PNPLA5: variants seen among roughly 807,000 people sequenced by gnomAD.
PNPLA5 encodes patatin-like phospholipase domain-containing protein 5.
A neutral mutation model predicts 49.1 loss-of-function variants in PNPLA5; 44 were observed. The ratio of observed to expected loss-of-function variants is 0.90; its 90% CI spans 0.70 to 1.15. The LOEUF (loss-of-function observed/expected upper bound fraction) is 1.15, where lower values mean the gene tolerates loss of function less well. Ranked by LOEUF, PNPLA5 falls within the 50% of genes most tolerant of loss-of-function variation. The pLI is 0.00. For missense variants in PNPLA5, 603 were observed against 564.0 expected (o/e 1.07, Z -0.70); for synonymous variants, 243 against 244.4 (o/e 0.99, Z 0.06).
intron 2 of PNPLA5, chr22:43,890,174 A>G (rs1253849601): frequency 3.3e-5 from 21 of 645,918 alleles, no homozygotes; most frequent in Non-Finnish European, 4.0e-5. Flanking sequence ...AGCAGTTGGG[A>G]TGGGGCCTGG....
chr22:43,880,743 C>A lies in PNPLA5; in HGVS notation c.*52G>T, dbSNP rs573580468. The A allele has an allele frequency of 7.8e-6, 10 of 1,280,604 alleles. No homozygotes were observed. The South Asian group carries it at 2.7e-4, about 34-fold the overall frequency. The allele number at this position is 1,280,604 out of a possible 1,614,324, so 79.3% of individuals were successfully genotyped here. A position where few individuals can be genotyped will look rare whatever the true frequency, so the allele number is the denominator to read the frequency against. On this transcript the variant is annotated 3_prime_UTR_variant, in exon 9 of 9. Transcript: ENST00000216177. ...AGATGTGGGCACACAGGACAAAGGC[C>A]AGAGCAGGAATCAAGGGACACCAGT...
intron 6 of PNPLA5, 114 bp downstream of exon 6, chr22:43,886,189 G>T: frequency 8.2e-7 from 1 of 1,222,614 alleles, no homozygotes; most frequent in Non-Finnish European, 1.1e-6. Context: ...TAGGTGCTCA[G>T]TAAATGAGTC....
intron 1 of PNPLA5, 93 bp from the exon 2 acceptor site, chr22:43,891,387 G>A: frequency 6.9e-7 from 1 of 1,444,142 alleles, no homozygotes; most frequent in Non-Finnish European, 9.0e-7. Context: ...CAGTGGGAGC[G>A]GGGTCCTCCC....
chr22:43,884,421 C>G (rs1314229537), intron 6 of PNPLA5, 76 bp from the exon 7 acceptor site: 1 of 1,439,926 alleles, frequency 6.9e-7, no homozygotes, highest in Non-Finnish European at 9.1e-7. Context: ...CCATTTCACA[C>G]AGTAAGAGAC....
Position 43,881,552 on chromosome 22 carries a change from C to T in PNPLA5, c.1199+6G>A, listed in dbSNP as rs993422434. 1.5e-5 allele frequency: 23 copies of T among 1,580,136 alleles called. No individual in the cohort carries two copies. The highest frequency in any genetic ancestry group is 3.7e-5 in the Admixed American group (2 of 54,666). ...CCTCTCCATCCCTGCCCTCTGCCCACCTCACCTGATGGGCCCAAGGAGCTG... is the reference window on the plus strand; with the variant it reads ...CCTCTCCATCCCTGCCCTCTGCCCATCTCACCTGATGGGCCCAAGGAGCTG... On this transcript the variant is annotated splice_donor_region_variant and intron_variant, in intron 8 of 8. Transcript: ENST00000216177.
chr22:43,891,545 A>G (rs2049723341), intron 1 of PNPLA5, 143 bp downstream of exon 1: 1 of 1,283,042 alleles, frequency 7.8e-7, no homozygotes, highest in Non-Finnish European at 1.0e-6. Context: ...AGTCCCCAGC[A>G]CTCGGTGTTC....
chr22:43,888,470 T>TGTC (rs1229335161), intron 4 of PNPLA5, among the ~76,000 whole-genome samples: 2 of 135,732 alleles, frequency 1.5e-5, no homozygotes, highest in Non-Finnish European at 3.1e-5. Context: ...AGTCTCACTC[T>TGTC]GTCACCCAGG....
At position 43,889,829 on chromosome 22, in the gene PNPLA5, G is replaced by T. The variant is rs775616917; in HGVS notation, c.462C>A (p.Cys154Ter). The T allele has an allele frequency of 1.9e-6, 3 of 1,613,350 alleles. No individual in the cohort carries two copies. The highest frequency in any genetic ancestry group is 1.7e-5 in the Admixed American group (1 of 59,972). Residue 154 changes from cysteine (C) to a stop codon, truncating the protein, a stop_gained, in exon 3 of 9, where the codon TGC becomes TGA. Coordinates refer to ENST00000216177, the MANE Select transcript of PNPLA5 (RefSeq NM_138814.4). LOFTEE classifies it high-confidence loss of function. ...LVCTLYFPFY[C>*]GLIPPEFRGE... Reference sequence around the variant, plus strand: ...CTCTGAACTCGGGGGGGATCAGCCCGCAGTAGAAAGGAAAGTATAAGGTGC... The same window carrying T: ...CTCTGAACTCGGGGGGGATCAGCCCTCAGTAGAAAGGAAAGTATAAGGTGC...
At chr22:43,884,100 TC>T in intron 7 of PNPLA5, 112 bp downstream of exon 7, 13 of 867,240 alleles carry the variant, frequency 1.5e-5, no homozygotes, top group South Asian at 1.2e-4. Context: ...CCAGCCGGGC[TC>T]CCCCCACCCC....
chr22:43,889,829 G>A lies in PNPLA5; in HGVS notation c.462C>T (p.Cys154=), dbSNP rs775616917. ...LVCTLYFPFY[C]GLIPPEFRGE... ...CTCTGAACTCGGGGGGGATCAGCCC[G>A]CAGTAGAAAGGAAAGTATAAGGTGC... The change falls in exon 3 of 9, where the codon TGC becomes TGT. Residue 154 remains cysteine, a synonymous_variant. Coordinates refer to ENST00000216177, the MANE Select transcript of PNPLA5 (RefSeq NM_138814.4). 94 of 1,613,348 alleles carry A rather than the reference G, an allele frequency of 5.8e-5. No individual in the cohort carries two copies. The East Asian group carries it at 1.2e-3, about 20-fold the overall frequency.
At chr22:43,882,784 C>T (rs1241673388) in intron 7 of PNPLA5, among the ~76,000 whole-genome samples, 1 of 152,246 alleles carries the variant, frequency 6.6e-6, no homozygotes, top group Non-Finnish European at 1.5e-5. Context: ...GCAATTTAAA[C>T]AGCAGGGCTG....
At position 43,884,198 on chromosome 22, in the gene PNPLA5, C is replaced by G; in HGVS notation, c.1082+15G>C. ...ACAAGCCAGGCCCTTCCCAGGCCCC[C>G]TGGCCGAGCCTTACCTTCTGCTGCG... On this transcript the variant is annotated intron_variant, in intron 7 of 8. Coordinates refer to ENST00000216177, the MANE Select transcript of PNPLA5 (RefSeq NM_138814.4). 2 of 1,527,102 alleles carry G rather than the reference C, an allele frequency of 1.3e-6. No homozygotes were observed. Among genetic ancestry groups the G allele is most frequent in the African/African-American group, 1.4e-5 (1 of 71,450 alleles). 94.6% of individuals were successfully genotyped at this position (1,527,102 alleles called of 1,614,324 possible). A position where few individuals can be genotyped will look rare whatever the true frequency, so the allele number is the denominator to read the frequency against.
intron 1 of PNPLA5, 46 bp downstream of exon 1, chr22:43,891,642 A>G (rs1201564957): frequency 7.3e-6 from 11 of 1,497,496 alleles, no homozygotes; most frequent in Non-Finnish European, 9.7e-6. Context: ...ATCCGCTTTC[A>G]TTAAGCTGTC....
intron 8 of PNPLA5, among the ~76,000 whole-genome samples, chr22:43,881,302 T>G (rs565119498): frequency 6.6e-6 from 1 of 152,162 alleles, no homozygotes; most frequent in Non-Finnish European, 1.5e-5. Flanking sequence ...ACCTGTCCCA[T>G]GGGTGGCCCA....
chr22:43,883,409 T>C (rs2049630095), intron 7 of PNPLA5, among the ~76,000 whole-genome samples: 1 of 152,226 alleles, frequency 6.6e-6, no homozygotes, highest in African/African-American at 2.4e-5. Flanking sequence ...CCTCAGCAAC[T>C]GCTGGTGGGA....
chr22:43,891,410 G>C, intron 1 of PNPLA5, 116 bp from the exon 2 acceptor site: 1 of 1,419,286 alleles, frequency 7.0e-7, no homozygotes, highest in East Asian at 2.7e-5. Flanking sequence ...CTCCAGCTCA[G>C]AATTTCTGGG....
intron 2 of PNPLA5, among the ~76,000 whole-genome samples, 156 bp downstream of exon 2, chr22:43,890,906 C>A (rs1258660067): frequency 3.9e-5 from 6 of 152,192 alleles, no homozygotes; most frequent in Non-Finnish European, 8.8e-5. Flanking sequence ...CCTGCCGACC[C>A]TCTCTGGGCC....
Position 43,882,401 on chromosome 22 carries a change from A to G in PNPLA5, c.1083-727T>C, listed in dbSNP as rs542537184. 5.9e-5 allele frequency among the ~76,000 whole-genome samples: 9 copies of G among 152,344 alleles called. 1 individual carries two copies. The highest frequency in any genetic ancestry group is 1.9e-4 in the African/African-American group (8 of 41,590). ...TGGCCGGACACCTCAGACACTGGCC[A>G]CTGCAGGGCCTCAACCTGCACCACA... On this transcript the variant is annotated intron_variant, in intron 7 of 8. Transcript: ENST00000216177.
At chr22:43,891,494 G>T in intron 1 of PNPLA5, 194 bp downstream of exon 1, 1 of 895,928 alleles carries the variant, frequency 1.1e-6, no homozygotes, top group Non-Finnish European at 1.3e-6. Context: ...AGAGTTTCTG[G>T]CTCTGAGCCA....
Sources: allele counts gnomAD v4.1 joint callset (sites outside exome capture counted in the v4.1 genomes callset), GRCh38; gene constraint gnomAD v4.1.1; transcripts MANE v1.5; gene names NCBI Gene and HGNC (gene_info 2026-07-23, HGNC 2026-07-21).